Variants in TNIK observed in about 807,000 individuals in gnomAD.
TNIK encodes TRAF2 and NCK-interacting protein kinase.
A neutral mutation model predicts 191.3 loss-of-function variants in TNIK; 49 were observed. The ratio of observed to expected loss-of-function variants is 0.26; its 90% CI spans 0.20 to 0.32. The LOEUF (loss-of-function observed/expected upper bound fraction) is 0.32. TNIK is among the 10% of genes least tolerant of loss of function. TNIK has a pLI of 1.00. For missense variants in TNIK, 1,155 were observed against 1,702.3 expected (o/e 0.68, Z 5.66); for synonymous variants, 594 against 600.9 (o/e 0.99, Z 0.17).
intron 18 of TNIK, among the ~76,000 whole-genome samples, chr3:171,117,369 A>C (rs1440056485): frequency 6.6e-6 from 1 of 152,192 alleles, no homozygotes; most frequent in Non-Finnish European, 1.5e-5. Flanking sequence ...TCAGAGCTCA[A>C]ATCTTGGCTC....
At chr3:171,274,163 C>T (rs1340998001) in intron 2 of TNIK, among the ~76,000 whole-genome samples, 2 of 152,194 alleles carry the variant, frequency 1.3e-5, no homozygotes, top group Non-Finnish European at 2.9e-5. Context: ...CTTTAGCATA[C>T]AAGGAAAACG....
intron 2 of TNIK, among the ~76,000 whole-genome samples, chr3:171,272,110 A>G (rs1353584062): frequency 6.6e-6 from 1 of 152,234 alleles, no homozygotes; most frequent in East Asian, 1.9e-4. Context: ...AGCGAGAGAA[A>G]AGAATAGACA....
chr3:171,084,121 T>C (rs758709474), intron 26 of TNIK, 34 bp downstream of exon 26: 6 of 1,461,298 alleles, frequency 4.1e-6, no homozygotes, highest in Non-Finnish European at 5.5e-6. Flanking sequence ...TGAGTGGTTA[T>C]TTAAAAAAAA....
At chr3:171,126,628 G>A (rs1413957298) in intron 16 of TNIK, among the ~76,000 whole-genome samples, 1 of 152,096 alleles carries the variant, frequency 6.6e-6, no homozygotes, top group African/African-American at 2.4e-5. Context: ...TTTTACACCG[G>A]AGCAATGTAA....
At chr3:171,190,910 T>A (rs185380134) in intron 5 of TNIK, 123 bp from the exon 6 acceptor site, 8 of 637,724 alleles carry the variant, frequency 1.3e-5, no homozygotes, top group Admixed American at 8.7e-5. Flanking sequence ...AGAATTATAA[T>A]CACATCTTTC....
At chr3:171,273,549 C>T (rs150902024) in intron 2 of TNIK, among the ~76,000 whole-genome samples, 1 of 152,272 alleles carries the variant, frequency 6.6e-6, no homozygotes, top group Non-Finnish European at 1.5e-5. Context: ...GTTTCCTCAG[C>T]TCTTAAGAAG....
chr3:171,387,461 C>T (rs78194467), intron 1 of TNIK, among the ~76,000 whole-genome samples: 3,710 of 152,212 alleles, frequency 0.024, 138 homozygotes, highest in African/African-American at 0.086. Flanking sequence ...AACCTGACAT[C>T]GGCTCTTACA....
At chr3:171,228,339 A>G in intron 2 of TNIK, 118 bp from the exon 3 acceptor site, 2 of 953,588 alleles carry the variant, frequency 2.1e-6, no homozygotes, top group Non-Finnish European at 1.6e-6. Context: ...GGGGGGAGAG[A>G]GAAAGACAGA....
chr3:171,315,451 T>C (rs1010606482), intron 2 of TNIK, among the ~76,000 whole-genome samples: 1 of 152,116 alleles, frequency 6.6e-6, no homozygotes. Context: ...TAGTGCACCA[T>C]GGTGTTGTGC....
intron 2 of TNIK, among the ~76,000 whole-genome samples, chr3:171,290,154 A>ACT (rs1032186917): frequency 5.3e-5 from 8 of 152,176 alleles, no homozygotes; most frequent in Non-Finnish European, 8.8e-5. Context: ...GGCACGTACT[A>ACT]CTCTAACCAT....
chr3:171,082,602 G>T (rs1576758404), intron 26 of TNIK: 2 of 606,466 alleles, frequency 3.3e-6, no homozygotes, highest in East Asian at 3.0e-5. Flanking sequence ...CTTTTATAAA[G>T]TTAGCAGCAT....
chr3:171,164,557 GAT>G, intron 10 of TNIK, among the ~76,000 whole-genome samples: 1 of 152,350 alleles, frequency 6.6e-6, no homozygotes, highest in Non-Finnish European at 1.5e-5. Flanking sequence ...AAACTGGAGT[GAT>G]GTTCACATAA....
At chr3:171,455,356 A>G (rs1425650654) in intron 1 of TNIK, among the ~76,000 whole-genome samples, 2 of 146,070 alleles carry the variant, frequency 1.4e-5, no homozygotes, top group East Asian at 4.0e-4. Context: ...CTATCTTCCC[A>G]CCTCAGTCTC....
At chr3:171,179,889 G>A (rs1420064022) in intron 7 of TNIK, among the ~76,000 whole-genome samples, 2 of 152,294 alleles carry the variant, frequency 1.3e-5, no homozygotes, top group Non-Finnish European at 2.9e-5. Flanking sequence ...GGCTCTTAAG[G>A]TCCCTGTGCT....
Position 171,138,180 on chromosome 3 carries a change from T to TC in TNIK, c.1608+10_1608+11insG. 1 of 1,574,956 alleles carries TC rather than the reference T, an allele frequency of 6.3e-7. No individual in the cohort carries two copies. The highest frequency in any genetic ancestry group is 8.6e-7 in the Non-Finnish European group (1 of 1,163,988). On this transcript the variant is annotated intron_variant, in intron 15 of 32. Transcript: ENST00000436636. ...CTGGCCAACAGGGTGAGGCTACCCTTGCTTACTTACCTCCTTGGCCCATGC... is the reference window on the plus strand; with the variant it reads ...CTGGCCAACAGGGTGAGGCTACCCTTCGCTTACTTACCTCCTTGGCCCATGC...
At chr3:171,068,802 G>A (rs1718799549) in intron 30 of TNIK, 46 bp downstream of exon 30, 3 of 1,544,752 alleles carry the variant, frequency 1.9e-6, no homozygotes, top group Non-Finnish European at 2.6e-6. Flanking sequence ...TCTACATGCA[G>A]GCTGTTGTAC....
intron 2 of TNIK, among the ~76,000 whole-genome samples, chr3:171,356,721 C>G (rs1378780236): frequency 6.6e-6 from 1 of 152,194 alleles, no homozygotes; most frequent in Admixed American, 6.5e-5. Flanking sequence ...TCATGCTCTA[C>G]TACTTACCTG....
At chr3:171,383,482 A>G (rs1310924161) in intron 1 of TNIK, among the ~76,000 whole-genome samples, 1 of 152,198 alleles carries the variant, frequency 6.6e-6, no homozygotes, top group Non-Finnish European at 1.5e-5. Flanking sequence ...CCTGACTGGA[A>G]TGCTGGTTAT....
At chr3:171,123,801 A>C in intron 17 of TNIK, 99 bp from the exon 18 acceptor site, 1 of 742,236 alleles carries the variant, frequency 1.3e-6, no homozygotes, top group Non-Finnish European at 2.1e-6. Flanking sequence ...GAAGCCACAG[A>C]AACTATCCGA....
Sources: gnomAD v4.1 joint callset for allele counts (sites outside exome capture counted in the v4.1 genomes callset) on GRCh38, gnomAD v4.1.1 for gene constraint, MANE v1.5 for transcripts, NCBI Gene and HGNC (gene_info 2026-07-23, HGNC 2026-07-21) for gene names.